The following GRAMD1C variants were observed in gnomAD, a reference collection of about 807,000 sequenced individuals.
GRAMD1C encodes the protein protein Aster-C.
In GRAMD1C, 89 loss-of-function variants were observed where a neutral mutation model predicts 97.8. The observed-to-expected ratio is 0.91, with a 90% CI of 0.77 to 1.09. The LOEUF (loss-of-function observed/expected upper bound fraction) is 1.09, where lower values mean the gene tolerates loss of function less well. Among genes scored for constraint, GRAMD1C ranks in the 50% least tolerant of loss-of-function variants. GRAMD1C has a pLI of 0.00. For missense variants in GRAMD1C, 740 were observed against 766.4 expected, an observed-to-expected ratio of 0.97 and a Z score of 0.41; for synonymous variants, 256 against 267.0, an observed-to-expected ratio of 0.96 and a Z score of 0.40.
chr3:113,939,688 A>G, intron 15 of GRAMD1C, 198 bp from the exon 16 acceptor site: 1 of 469,806 alleles, frequency 2.1e-6, no homozygotes, highest in South Asian at 2.5e-5. Context: ...ATTACCTTCC[A>G]TCTTTTCCTC....
chr3:113,895,886 C>G (rs1935921602), intron 6 of GRAMD1C, among the ~76,000 whole-genome samples: 1 of 152,132 alleles, frequency 6.6e-6, no homozygotes. Context: ...TTACCAATGT[C>G]TTCTTATCTC....
intron 10 of GRAMD1C, among the ~76,000 whole-genome samples, chr3:113,925,910 T>C (rs1287062949): frequency 6.6e-6 from 1 of 152,214 alleles, no homozygotes; most frequent in Admixed American, 6.5e-5. Flanking sequence ...CCCTCAAATA[T>C]AGAGTTTCTG....
rs1051744552 is a variant in GRAMD1C at position 113,845,558 on chromosome 3, G to C, written c.174+909G>C. ...AAACAAACAAACAAAAATTAGCCAG[G>C]CGTGGTGGCACATGCCTACAGGCTA... On this transcript the variant is annotated intron_variant, in intron 2 of 17. Transcript: ENST00000358160. Among the ~76,000 whole-genome samples the C allele has an allele frequency of 3.3e-5, 5 of 151,940 alleles. No homozygotes were observed. The South Asian group carries it at 1.0e-3, about 32-fold the overall frequency.
intron 3 of GRAMD1C, among the ~76,000 whole-genome samples, chr3:113,872,541 C>T (rs1229109554): frequency 6.6e-6 from 1 of 150,948 alleles, no homozygotes; most frequent in Non-Finnish European, 1.5e-5. Flanking sequence ...ATTACAGGCA[C>T]ACACCACCAC....
intron 9 of GRAMD1C, among the ~76,000 whole-genome samples, chr3:113,912,005 G>A (rs1013635022): frequency 6.6e-6 from 1 of 152,120 alleles, no homozygotes; most frequent in Admixed American, 6.6e-5. Context: ...GGGACTACAG[G>A]CATGAGCCAC....
intron 10 of GRAMD1C, among the ~76,000 whole-genome samples, chr3:113,920,775 T>C (rs1287519151): frequency 1.3e-5 from 2 of 152,176 alleles, no homozygotes; most frequent in African/African-American, 4.8e-5. Context: ...ACACCTGACC[T>C]CAGGTGATCC....
intron 12 of GRAMD1C, among the ~76,000 whole-genome samples, chr3:113,934,156 T>G (rs1937533995): frequency 6.6e-6 from 1 of 152,242 alleles, no homozygotes; most frequent in Non-Finnish European, 1.5e-5. Flanking sequence ...AGTATTTATT[T>G]TGAGCCTTCA....
At chr3:113,882,667 A>G in intron 5 of GRAMD1C, 85 bp from the exon 6 acceptor site, 6 of 786,376 alleles carry the variant, frequency 7.6e-6, no homozygotes, top group Non-Finnish European at 1.4e-5. Context: ...TTTTAACCAT[A>G]AGCAAGTCCG....
At chr3:113,867,655 G>C (rs1934636845) in intron 2 of GRAMD1C, among the ~76,000 whole-genome samples, 1 of 151,440 alleles carries the variant, frequency 6.6e-6, no homozygotes, top group Non-Finnish European at 1.5e-5. Flanking sequence ...TAATGATGAA[G>C]AGTCACCCGC....
At chr3:113,945,265 T>C (rs1938011414) in intron 17 of GRAMD1C, 133 bp from the exon 18 acceptor site, 8 of 640,774 alleles carry the variant, frequency 1.2e-5, no homozygotes, top group South Asian at 3.6e-5. Flanking sequence ...ATTTTGTATT[T>C]AACGTTTTAT....
At chr3:113,840,127 C>G (rs1022165050) in intron 1 of GRAMD1C, among the ~76,000 whole-genome samples, 1 of 152,098 alleles carries the variant, frequency 6.6e-6, no homozygotes, top group Non-Finnish European at 1.5e-5. Context: ...CCACCACGCC[C>G]GGCTAATTTT....
At chr3:113,882,900 C>T (rs1935318315) in intron 6 of GRAMD1C, 68 bp downstream of exon 6, 1 of 714,312 alleles carries the variant, frequency 1.4e-6, no homozygotes, top group Non-Finnish European at 2.4e-6. Context: ...AATTGAAGAG[C>T]TCCTTCTTAT....
chr3:113,844,924 C>A, intron 2 of GRAMD1C: 1 of 269,098 alleles, frequency 3.7e-6, no homozygotes, highest in South Asian at 7.6e-5. Flanking sequence ...CTGTAGCTCA[C>A]TGTATTGTCA....
At chr3:113,862,226 T>C (rs1404585402) in intron 2 of GRAMD1C, among the ~76,000 whole-genome samples, 1 of 152,158 alleles carries the variant, frequency 6.6e-6, no homozygotes, top group Non-Finnish European at 1.5e-5. Flanking sequence ...TAGGTGGGAA[T>C]TTCCTTGTCC....
At chr3:113,841,886 G>C (rs1394548204) in intron 1 of GRAMD1C, among the ~76,000 whole-genome samples, 1 of 152,048 alleles carries the variant, frequency 6.6e-6, no homozygotes, top group Non-Finnish European at 1.5e-5. Flanking sequence ...TTGTAGAGAG[G>C]GGGCCTTGCT....
intron 8 of GRAMD1C, among the ~76,000 whole-genome samples, chr3:113,906,526 G>A (rs1312684556): frequency 6.6e-6 from 1 of 152,068 alleles, no homozygotes; most frequent in Non-Finnish European, 1.5e-5. Context: ...AAATATTTTT[G>A]TACAGCTGTC....
rs1239016325 is a variant in GRAMD1C at position 113,840,887 on chromosome 3, T to G, written c.27+1951T>G. Among the ~76,000 whole-genome samples the G allele has an allele frequency of 2.0e-5, 3 of 152,220 alleles. No individual in the cohort carries two copies. In the East Asian group the frequency reaches 5.8e-4, roughly 29 times the overall value. ...GATGTCATCAATGGAATGTTATACT[T>G]GTGCTCCTGGAGAAAATTTGATGCA... is the stretch of plus-strand genomic sequence containing the variant. On this transcript the variant is annotated intron_variant, in intron 1 of 17. Transcript: ENST00000358160.
At chr3:113,885,558 G>A (rs1935443219) in intron 6 of GRAMD1C, 1 of 1,579,312 alleles carries the variant, frequency 6.3e-7, no homozygotes, top group Non-Finnish European at 8.7e-7. Context: ...AGTCCGGCCT[G>A]TTAGGCCTCC....
intron 6 of GRAMD1C, among the ~76,000 whole-genome samples, chr3:113,896,430 C>T (rs554243959): frequency 6.6e-6 from 1 of 152,186 alleles, no homozygotes; most frequent in African/African-American, 2.4e-5. Context: ...TTCTGTTTTT[C>T]CCTCTGAAGC....
Sources: gnomAD v4.1 joint callset for allele counts (sites outside exome capture counted in the v4.1 genomes callset) on GRCh38, gnomAD v4.1.1 for gene constraint, MANE v1.5 for transcripts, NCBI Gene and HGNC (gene_info 2026-07-23, HGNC 2026-07-21) for gene names.